The following NRXN1 variants were observed in gnomAD, a reference collection of about 807,000 sequenced individuals.
NRXN1 encodes the protein neurexin 1, also known as neurexin-1.
NRXN1 carries 39 observed loss-of-function variants against 150.9 expected under a neutral mutation model. The observed-to-expected ratio is 0.26, with a 90% confidence interval of 0.20 to 0.34. The LOEUF (loss-of-function observed/expected upper bound fraction) is 0.34. Ranked by LOEUF, NRXN1 falls within the 10% of genes least tolerant of loss-of-function variation. The probability of loss-of-function intolerance (pLI) is 1.00; values close to 1 mark genes in which losing one functional copy is unlikely to be tolerated. For synonymous variants in NRXN1, 924 were observed against 757.0 expected, an observed-to-expected ratio of 1.22 and a Z score of -3.62; for missense variants, 1,815 against 1,949.9, an observed-to-expected ratio of 0.93 and a Z score of 1.30.
chr2:50,925,596 G>T (rs1411410982), intron 3 of NRXN1, among the ~76,000 whole-genome samples: 1 of 151,840 alleles, frequency 6.6e-6, no homozygotes, highest in East Asian at 1.9e-4. Flanking sequence ...AAAGGATCAT[G>T]CACTGTCTTA....
At chr2:49,990,819 CACT>C (rs1681805468) in intron 21 of NRXN1, among the ~76,000 whole-genome samples, 1 of 152,072 alleles carries the variant, frequency 6.6e-6, no homozygotes, top group Non-Finnish European at 1.5e-5. Context: ...CTAATGTTGG[CACT>C]ATTAGCAAGC....
At chr2:50,961,762 C>G (rs1380731266) in intron 2 of NRXN1, among the ~76,000 whole-genome samples, 1 of 151,670 alleles carries the variant, frequency 6.6e-6, no homozygotes, top group Non-Finnish European at 1.5e-5. Context: ...AATCCAGACA[C>G]AGCATTTGTG....
chr2:50,539,452 A>C (rs1338448907), intron 9 of NRXN1, among the ~76,000 whole-genome samples: 2 of 152,226 alleles, frequency 1.3e-5, no homozygotes, highest in Non-Finnish European at 2.9e-5. Context: ...CTAAGTCCTA[A>C]GTATGGAATA....
At chr2:50,818,390 G>T (rs1669237293) in intron 5 of NRXN1, among the ~76,000 whole-genome samples, 1 of 150,874 alleles carries the variant, frequency 6.6e-6, no homozygotes, top group Admixed American at 6.6e-5. Flanking sequence ...CAACTCCTTG[G>T]GTAAGTTTAT....
At chr2:50,110,622 T>C (rs1702258685) in intron 18 of NRXN1, among the ~76,000 whole-genome samples, 1 of 152,134 alleles carries the variant, frequency 6.6e-6, no homozygotes, top group Non-Finnish European at 1.5e-5. Flanking sequence ...TGTGTGTGCG[T>C]ATGTGCGTGC....
intron 5 of NRXN1, among the ~76,000 whole-genome samples, chr2:50,749,812 G>A (rs1331559859): frequency 3.3e-5 from 5 of 151,976 alleles, no homozygotes; most frequent in African/African-American, 1.2e-4. Flanking sequence ...AATTCAGAAA[G>A]GGTAAATAAC....
At chr2:50,843,170 A>T (rs1248355748) in intron 5 of NRXN1, among the ~76,000 whole-genome samples, 1 of 152,186 alleles carries the variant, frequency 6.6e-6, no homozygotes, top group Non-Finnish European at 1.5e-5. Context: ...ACCTTAGTTC[A>T]TTCAAGCTCC....
At chr2:50,662,256 A>C (rs980694109) in intron 5 of NRXN1, among the ~76,000 whole-genome samples, 1 of 152,012 alleles carries the variant, frequency 6.6e-6, no homozygotes, top group East Asian at 1.9e-4. Context: ...AGATCTTTGC[A>C]CAGGGAGTTA....
intron 5 of NRXN1, among the ~76,000 whole-genome samples, chr2:50,787,287 C>T (rs1476992951): frequency 6.6e-6 from 1 of 152,020 alleles, no homozygotes; most frequent in Non-Finnish European, 1.5e-5. Flanking sequence ...AGGCAGGGCG[C>T]TGTGGCTCAT....
Position 50,723,124 on chromosome 2 carries a change from A to T in NRXN1, c.833-99509T>A, listed in dbSNP as rs143361266. Among the ~76,000 whole-genome samples, 282 of 152,290 alleles carry T rather than the reference A, an allele frequency of 1.9e-3. 1 individual carries two copies. Among genetic ancestry groups the T allele is most frequent in the Non-Finnish European group, 2.5e-3 (173 of 68,030 alleles). On this transcript the variant is annotated intron_variant, in intron 5 of 22. Coordinates refer to ENST00000401669, the MANE Select transcript of NRXN1 (RefSeq NM_001330078.2). ...AGAAATGTGTGACTTCTATTCTCTC[A>T]GCCTTGGTGTAAATCCCTGAAAGTG...
intron 21 of NRXN1, among the ~76,000 whole-genome samples, chr2:50,010,594 C>T (rs1025811920): frequency 3.9e-5 from 6 of 152,066 alleles, no homozygotes; most frequent in Non-Finnish European, 8.8e-5. Flanking sequence ...CATTCTCTCT[C>T]AGGAGTGCAG....
intron 17 of NRXN1, among the ~76,000 whole-genome samples, chr2:50,365,260 G>C (rs575564215): frequency 1.0e-3 from 152 of 152,126 alleles, no homozygotes; most frequent in African/African-American, 2.9e-3. Flanking sequence ...ACAGCTATCA[G>C]TTGGTAATAA....
At chr2:50,489,416 C>T (rs1359242701) in intron 15 of NRXN1, among the ~76,000 whole-genome samples, 1 of 152,146 alleles carries the variant, frequency 6.6e-6, no homozygotes, top group Non-Finnish European at 1.5e-5. Context: ...CACAAAGGTG[C>T]AGATTTCTTT....
intron 16 of NRXN1, among the ~76,000 whole-genome samples, chr2:50,468,602 G>T (rs2089161453): frequency 1.3e-5 from 2 of 151,262 alleles, no homozygotes; most frequent in South Asian, 4.1e-4. Flanking sequence ...ATGTCTAAAA[G>T]GGAAAGAAAA....
rs758126649 is a variant in NRXN1, at chr2:49,922,001, G to T, written c.4467C>A (p.Ser1489Arg). 6.2e-7 allele frequency: 1 copy of T among 1,614,124 alleles called. No individual in the cohort carries two copies. Among genetic ancestry groups the T allele is most frequent in the Non-Finnish European group, 8.5e-7 (1 of 1,180,020 alleles). ...NGAVVKEKQP[S>R]SAKSSNKNKK... ...TATTTTTGTTGGAGCTTTTCGCACT[G>T]CTGGGTTGTTTCTCCTTTACAACAG... The change falls in exon 23 of 23, where the codon AGC becomes AGA. Residue 1489 changes from serine to arginine, a missense_variant. By Grantham distance (110) the Ser-to-Arg change is moderately radical. Transcript: ENST00000401669.
intron 2 of NRXN1, chr2:50,985,494 C>G (rs1424829462): frequency 6.6e-6 from 1 of 151,532 alleles, no homozygotes; most frequent in East Asian, 1.9e-4. Context: ...CTCAAGCAAT[C>G]CAACATCAAG....
intron 17 of NRXN1, among the ~76,000 whole-genome samples, chr2:50,276,132 C>A (rs2070426639): frequency 6.6e-6 from 1 of 151,984 alleles, no homozygotes; most frequent in Non-Finnish European, 1.5e-5. Flanking sequence ...AACTCAAGAA[C>A]AACCACAACA....
At chr2:50,560,095 TC>T (rs906007812) in intron 8 of NRXN1, among the ~76,000 whole-genome samples, 5 of 152,316 alleles carry the variant, frequency 3.3e-5, no homozygotes, top group African/African-American at 1.2e-4. Context: ...CTTTTTAAAA[TC>T]TTTGCACCCA....
chr2:50,898,989 G>A (rs1438348222), intron 5 of NRXN1, among the ~76,000 whole-genome samples: 1 of 151,930 alleles, frequency 6.6e-6, no homozygotes, highest in Non-Finnish European at 1.5e-5. Flanking sequence ...AGAAATACCT[G>A]TCAAACAGAG....
Sources: gnomAD v4.1 joint callset for allele counts (sites outside exome capture counted in the v4.1 genomes callset) on GRCh38, gnomAD v4.1.1 for gene constraint, MANE v1.5 for transcripts, NCBI Gene and HGNC (gene_info 2026-07-23, HGNC 2026-07-21) for gene names.